The following RNF217 variants were observed in gnomAD, a reference collection of about 807,000 sequenced individuals.
RNF217 encodes ring finger protein 217, also known as E3 ubiquitin-protein ligase RNF217.
RNF217 carries 31 observed loss-of-function variants against 57.8 expected under a neutral mutation model. The ratio of observed to expected loss-of-function variants is 0.54; its 90% CI spans 0.40 to 0.72. RNF217 has a LOEUF of 0.72. Among genes scored for constraint, RNF217 ranks in the 30% least tolerant of loss-of-function variants. The probability of loss-of-function intolerance (pLI) is 0.00; values close to 1 mark genes in which losing one functional copy is unlikely to be tolerated. For synonymous variants in RNF217, 313 were observed against 294.0 expected, an observed-to-expected ratio of 1.06 and a Z score of -0.66; for missense variants, 696 against 708.3, an observed-to-expected ratio of 0.98 and a Z score of 0.20.
chr6:124,992,372 A>G (rs1289270817), intron 1 of RNF217, among the ~76,000 whole-genome samples: 2 of 152,164 alleles, frequency 1.3e-5, no homozygotes, highest in African/African-American at 4.8e-5. Context: ...TGAAAACTTG[A>G]TAAATAATAG....
rs994488099 is a variant in RNF217 at position 125,045,240 on chromosome 6, C to T, written c.912C>T (p.Cys304=). Residue 304 remains cysteine (C), a synonymous_variant, in exon 2 of 6, where the codon TGC becomes TGT. Transcript: ENST00000521654. ...AACTTGGCCAAGTAGAAATCAAATG[C>T]CCCATCACAGAGTGTTTTGAATTCT... The part of the protein sequence containing the change: ...QVQLGQVEIK[C]PITECFEFLE... The T allele has an allele frequency of 2.5e-6, 4 of 1,612,884 alleles. No individual in the cohort carries two copies. Among genetic ancestry groups the T allele is most frequent in the Non-Finnish European group, 3.4e-6 (4 of 1,179,316 alleles).
At chr6:125,070,870 A>C (rs2114625688) in intron 3 of RNF217, among the ~76,000 whole-genome samples, 1 of 152,374 alleles carries the variant, frequency 6.6e-6, no homozygotes, top group East Asian at 1.9e-4. Flanking sequence ...AATACATAAC[A>C]GTCAACTTAG....
intron 1 of RNF217, among the ~76,000 whole-genome samples, chr6:125,015,288 T>G (rs1785558787): frequency 6.6e-6 from 1 of 152,204 alleles, no homozygotes; most frequent in African/African-American, 2.4e-5. Context: ...ATGTATTGAT[T>G]TTAAAAACAT....
intron 1 of RNF217, among the ~76,000 whole-genome samples, chr6:125,018,701 T>C (rs1785703570): frequency 6.6e-6 from 1 of 152,162 alleles, no homozygotes; most frequent in African/African-American, 2.4e-5. Flanking sequence ...TCAGAAAGTC[T>C]TTGGTAAAGA....
chr6:125,051,143 C>G (rs1205535400), intron 2 of RNF217, among the ~76,000 whole-genome samples: 3 of 151,802 alleles, frequency 2.0e-5, no homozygotes, highest in Non-Finnish European at 4.4e-5. Flanking sequence ...GCTTGAACTT[C>G]TAACAGCCAA....
chr6:125,037,059 C>G (rs1433213585), intron 1 of RNF217, among the ~76,000 whole-genome samples: 1 of 149,782 alleles, frequency 6.7e-6, no homozygotes, highest in Non-Finnish European at 1.5e-5. Context: ...GGATATTAAA[C>G]CAACAGCACA....
In RNF217 at chr6:125,076,798, A is replaced by G; in HGVS notation, c.1423A>G (p.Lys475Glu). The change falls in exon 4 of 6, where the codon AAA (lysine) becomes GAA (glutamate). Residue 475 changes from lysine to glutamate, a missense_variant. By Grantham distance (56) the Lys-to-Glu change is moderately conservative. Coordinates refer to ENST00000521654, the MANE Select transcript of RNF217 (RefSeq NM_001286398.3). The stretch of plus-strand genomic sequence containing the variant: ...ATCAAACCTCAGTATATTTGGATGC[A>G]AATATCGCTACCTCCCAGAGAGACC... Reference protein sequence around the residue: ...HTSNLSIFGCKYRYLPERPHL... With the variant: ...HTSNLSIFGCEYRYLPERPHL... The G allele has an allele frequency of 1.2e-6, 2 of 1,613,672 alleles. No homozygotes were observed. Among genetic ancestry groups the G allele is most frequent in the Non-Finnish European group, 1.7e-6 (2 of 1,179,752 alleles).
At position 125,024,518 on chromosome 6, in the gene RNF217, G is replaced by A. The variant is rs564645017; in HGVS notation, c.883-20693G>A. 2.0e-5 allele frequency among the ~76,000 whole-genome samples: 3 copies of A among 152,126 alleles called. No individual in the cohort carries two copies. The East Asian group carries it at 5.8e-4, about 30-fold the overall frequency. On this transcript the variant is annotated intron_variant, in intron 1 of 5. Coordinates refer to ENST00000521654, the MANE Select transcript of RNF217 (RefSeq NM_001286398.3). ...GGATCACCTGAGCTCAGGAGTTCGA[G>A]ACCACCCTGAGCAACACAGTAAAAT...
intron 1 of RNF217, among the ~76,000 whole-genome samples, chr6:125,021,752 A>T (rs1317703883): frequency 1.3e-5 from 2 of 152,158 alleles, no homozygotes; most frequent in African/African-American, 4.8e-5. Flanking sequence ...AAAGTCATTT[A>T]TCAGCTGTAC....
At chr6:124,964,682 A>C (rs1582642908) in intron 1 of RNF217, among the ~76,000 whole-genome samples, 1 of 152,196 alleles carries the variant, frequency 6.6e-6, no homozygotes, top group African/African-American at 2.4e-5. Context: ...GATTATTTAA[A>C]AGCCTCTGAG....
At chr6:125,036,286 A>G (rs1309510711) in intron 1 of RNF217, among the ~76,000 whole-genome samples, 1 of 152,168 alleles carries the variant, frequency 6.6e-6, no homozygotes, top group African/African-American at 2.4e-5. Context: ...ATAGTATTCT[A>G]TGCTGTATAT....
intron 1 of RNF217, among the ~76,000 whole-genome samples, chr6:124,997,857 A>C (rs1327257964): frequency 6.6e-6 from 1 of 152,024 alleles, no homozygotes; most frequent in Non-Finnish European, 1.5e-5. Flanking sequence ...CCTTGCTTTT[A>C]ATTTTTTCAT....
intron 1 of RNF217, among the ~76,000 whole-genome samples, chr6:125,013,885 GTTC>G (rs910084520): frequency 2.0e-5 from 3 of 152,106 alleles, no homozygotes; most frequent in Non-Finnish European, 4.4e-5. Flanking sequence ...AATAAAAGCA[GTTC>G]TTATTTATTA....
intron 2 of RNF217, among the ~76,000 whole-genome samples, chr6:125,049,775 A>G (rs1213150082): frequency 1.3e-5 from 2 of 151,962 alleles, no homozygotes; most frequent in African/African-American, 2.4e-5. Context: ...AAAAAAGAAT[A>G]TAGTTGAAAG....
intron 2 of RNF217, among the ~76,000 whole-genome samples, chr6:125,045,834 A>T (rs1787076229): frequency 6.6e-6 from 1 of 152,022 alleles, no homozygotes; most frequent in Admixed American, 6.6e-5. Flanking sequence ...ATAGGTAAAA[A>T]TAGTATAAAT....
chr6:124,980,419 C>A (rs1430539532), intron 1 of RNF217, among the ~76,000 whole-genome samples: 1 of 152,218 alleles, frequency 6.6e-6, no homozygotes, highest in Admixed American at 6.5e-5. Context: ...GGCCAACCTT[C>A]AGTTCTAAGA....
chr6:124,984,893 C>A (rs986471703), intron 1 of RNF217, among the ~76,000 whole-genome samples: 2 of 152,078 alleles, frequency 1.3e-5, no homozygotes, highest in African/African-American at 4.8e-5. Flanking sequence ...CAATTCACAT[C>A]TGGGAAAATA....
intron 3 of RNF217, among the ~76,000 whole-genome samples, chr6:125,059,321 T>C (rs971543921): frequency 1.3e-5 from 2 of 152,202 alleles, no homozygotes; most frequent in African/African-American, 4.8e-5. Context: ...GTTTTAGAGC[T>C]ATTTCAGATC....
intron 1 of RNF217, among the ~76,000 whole-genome samples, chr6:125,008,357 G>A (rs1457721239): frequency 6.6e-6 from 1 of 152,118 alleles, no homozygotes; most frequent in Non-Finnish European, 1.5e-5. Flanking sequence ...GTGAAATCAT[G>A]GAAAGCAAAA....
Sources: allele counts gnomAD v4.1 joint callset (sites outside exome capture counted in the v4.1 genomes callset), GRCh38; gene constraint gnomAD v4.1.1; transcripts MANE v1.5; gene names NCBI Gene and HGNC (gene_info 2026-07-23, HGNC 2026-07-21).